The following TG variants were observed in gnomAD, a reference collection of about 807,000 sequenced individuals.
The protein encoded by TG is thyroglobulin.
Under a neutral mutation model 324.7 loss-of-function variants are expected in TG, and 270 were observed. The observed-to-expected ratio is 0.83, with a 90% CI of 0.75 to 0.92. The LOEUF (loss-of-function observed/expected upper bound fraction) is 0.92. TG is among the 40% of genes least tolerant of loss of function. The pLI is 0.00. For missense variants in TG, 3,591 were observed against 3,456.4 expected (o/e 1.04, Z -0.98); for synonymous variants, 1,401 against 1,327.0 (o/e 1.06, Z -1.21).
At chr8:132,876,011 A>ATT (rs988730503) in intron 5 of TG, among the ~76,000 whole-genome samples, 13 of 150,906 alleles carry the variant, frequency 8.6e-5, no homozygotes, top group African/African-American at 3.2e-4. Context: ...GCAAAGAGTA[A>ATT]TTTTTTTTTT....
intron 34 of TG, among the ~76,000 whole-genome samples, chr8:132,975,255 T>C (rs1159966022): frequency 1.3e-5 from 2 of 152,196 alleles, no homozygotes; most frequent in Non-Finnish European, 1.5e-5. Context: ...ACCAAAGTCT[T>C]AAAAATGTCA....
Position 132,975,510 on chromosome 8 carries a change from C to A in TG, c.6199+2769C>A, listed in dbSNP as rs933390073. 6.6e-5 allele frequency among the ~76,000 whole-genome samples: 10 copies of A among 152,146 alleles called. No individual in the cohort carries two copies. The South Asian group carries it at 1.9e-3, about 28-fold the overall frequency. On this transcript the variant is annotated intron_variant, in intron 34 of 47. Coordinates refer to ENST00000220616, the MANE Select transcript of TG (RefSeq NM_003235.5). ...CTGTGGGGTCAGTCTGGGGACTCGACTCAGGAGTTTTGACCAGAAACTTAG... is the reference window on the plus strand; with the variant it reads ...CTGTGGGGTCAGTCTGGGGACTCGAATCAGGAGTTTTGACCAGAAACTTAG...
Position 133,095,089 on chromosome 8 carries a change from G to A in TG, c.7285G>A (p.Ala2429Thr). Residue 2429 changes from alanine to threonine, a missense_variant, in exon 42 of 48, where the codon GCT (alanine) becomes ACT (threonine). By Grantham distance (58) the Ala-to-Thr change is moderately conservative (BLOSUM62 0). Coordinates refer to ENST00000220616, the MANE Select transcript of TG (RefSeq NM_003235.5). Reference protein sequence around the residue: ...SPAAVISHERAQQQAIALAKE... With the variant: ...SPAAVISHERTQQQAIALAKE... ...GGCCGCCGTCATCAGCCATGAGAGG[G>A]CTCAGCAGCAGGCAATTGCTTTGGC... 1 of 1,614,146 alleles carries A rather than the reference G, an allele frequency of 6.2e-7. No homozygotes were observed. Among genetic ancestry groups the A allele is most frequent in the Non-Finnish European group, 8.5e-7 (1 of 1,180,030 alleles).
At chr8:132,959,528 A>G (rs961365807) in intron 27 of TG, among the ~76,000 whole-genome samples, 1 of 152,224 alleles carries the variant, frequency 6.6e-6, no homozygotes, top group African/African-American at 2.4e-5. Context: ...ATATGTAAAT[A>G]AAAGTATATA....
intron 41 of TG, among the ~76,000 whole-genome samples, chr8:133,078,304 G>A (rs1035842911): frequency 2.0e-5 from 3 of 152,198 alleles, no homozygotes; most frequent in African/African-American, 7.2e-5. Context: ...AAGAACTGGG[G>A]TGGGAGCATG....
intron 34 of TG, among the ~76,000 whole-genome samples, chr8:132,976,696 A>G (rs769656156): frequency 6.6e-6 from 1 of 152,164 alleles, no homozygotes; most frequent in Non-Finnish European, 1.5e-5. Context: ...AGAAAACACC[A>G]TGGGATGCAC....
intron 41 of TG, among the ~76,000 whole-genome samples, chr8:133,039,843 G>A (rs878916895): frequency 6.6e-6 from 1 of 152,116 alleles, no homozygotes; most frequent in South Asian, 2.1e-4. Context: ...CTACACTTGT[G>A]GGGGGTGCTC....
At chr8:132,963,318 CA>C (rs2130379089) in intron 29 of TG, among the ~76,000 whole-genome samples, 1 of 152,230 alleles carries the variant, frequency 6.6e-6, no homozygotes, top group East Asian at 1.9e-4. Context: ...GAAATGAAGA[CA>C]ACCATAATAA....
At chr8:132,923,883 C>T (rs1011357040) in intron 22 of TG, among the ~76,000 whole-genome samples, 49 of 152,102 alleles carry the variant, frequency 3.2e-4, no homozygotes, top group Non-Finnish European at 4.4e-4. Context: ...CTCAGTAGGA[C>T]GTTGTAGAGC....
chr8:133,096,203 C>G lies in TG; in HGVS notation c.7405-3C>G, dbSNP rs758963583. On this transcript the variant is annotated splice_polypyrimidine_tract_variant and splice_region_variant and intron_variant, in intron 42 of 47. Coordinates refer to ENST00000220616, the MANE Select transcript of TG (RefSeq NM_003235.5). ...CAACTGATTATTGTTGCATCCAATG[C>G]AGCTCCTGGCCGTGAGTGGCCCTTT... 5.0e-6 allele frequency: 8 copies of G among 1,614,108 alleles called. No homozygotes were observed. The Admixed American group carries it at 6.7e-5, about 13-fold the overall frequency.
intron 41 of TG, among the ~76,000 whole-genome samples, chr8:133,045,387 CTTTTTTTTTTTTTT>C (rs5895172): frequency 7.6e-5 from 5 of 65,868 alleles, no homozygotes; most frequent in African/African-American, 2.0e-4. Context: ...ATCCTCTTTG[CTTTTTTTTTTTTTT>C]TTTTTTTTTT....
In TG at chr8:132,902,351, G is replaced by A. The variant is rs559537660; in HGVS notation, c.3634+798G>A. On this transcript the variant is annotated intron_variant, in intron 16 of 47. Coordinates refer to ENST00000220616, the MANE Select transcript of TG (RefSeq NM_003235.5). Reference sequence around the variant, plus strand: ...TGGAACTGCAGGGAAATTTAATTGGGTCTAGTGATACTTCTGGTTGATATT... The same window carrying A: ...TGGAACTGCAGGGAAATTTAATTGGATCTAGTGATACTTCTGGTTGATATT... Among the ~76,000 whole-genome samples, 11 of 152,202 alleles carry A rather than the reference G, an allele frequency of 7.2e-5. No individual in the cohort carries two copies. The South Asian group carries it at 2.3e-3, about 32-fold the overall frequency.
intron 41 of TG, chr8:133,050,949 G>T (rs751667414): frequency 3.8e-6 from 5 of 1,319,064 alleles, no homozygotes; most frequent in Non-Finnish European, 5.5e-6. Context: ...AAGGGGGCAA[G>T]GTGCTTTTTA....
At chr8:133,114,618 G>A (rs1197793764) in intron 44 of TG, among the ~76,000 whole-genome samples, 1 of 152,214 alleles carries the variant, frequency 6.6e-6, no homozygotes, top group Admixed American at 6.5e-5. Flanking sequence ...CCCCTCACAG[G>A]TGACGCATCT....
At chr8:132,897,936 T>G in intron 12 of TG, 150 bp downstream of exon 12, 1 of 1,039,286 alleles carries the variant, frequency 9.6e-7, no homozygotes. Flanking sequence ...GGGCCTCCAG[T>G]TATCTCACTT....
At chr8:132,896,498 G>A (rs950529947) in intron 11 of TG, among the ~76,000 whole-genome samples, 2 of 152,160 alleles carry the variant, frequency 1.3e-5, no homozygotes, top group Non-Finnish European at 2.9e-5. Context: ...AGATATTCCC[G>A]TTCTCCCTCC....
intron 15 of TG, 79 bp downstream of exon 15, chr8:132,900,418 G>C (rs1410608414): frequency 6.1e-6 from 8 of 1,318,280 alleles, no homozygotes; most frequent in Non-Finnish European, 8.5e-6. Flanking sequence ...AGCTGGCTTC[G>C]TGTCCCAGCT....
At chr8:132,876,080 T>TA (rs1377185422) in intron 5 of TG, among the ~76,000 whole-genome samples, 5 of 151,938 alleles carry the variant, frequency 3.3e-5, no homozygotes, top group African/African-American at 9.7e-5. Flanking sequence ...TGGGGAAGGG[T>TA]ATATCATAAT....
chr8:133,130,542 G>T (rs1851861214), intron 45 of TG, among the ~76,000 whole-genome samples: 1 of 152,190 alleles, frequency 6.6e-6, no homozygotes, highest in South Asian at 2.1e-4. Context: ...TAGTGACTGG[G>T]AATGGCCCTC....
Sources: allele counts gnomAD v4.1 joint callset (sites outside exome capture counted in the v4.1 genomes callset), GRCh38; gene constraint gnomAD v4.1.1; transcripts MANE v1.5; gene names NCBI Gene and HGNC (gene_info 2026-07-23, HGNC 2026-07-21).